BCL2: variants seen among roughly 807,000 people sequenced by gnomAD.
BCL2 encodes the protein apoptosis regulator Bcl-2.
BCL2 carries 1 observed loss-of-function variant against 14.2 expected under a neutral mutation model. The observed-to-expected ratio is 0.07, with a 90% CI of 0.02 to 0.33. The LOEUF (loss-of-function observed/expected upper bound fraction) is 0.33. Ranked by LOEUF, BCL2 falls within the 10% of genes least tolerant of loss-of-function variation. The probability of loss-of-function intolerance (pLI) is 0.99; values close to 1 mark genes in which losing one functional copy is unlikely to be tolerated. For synonymous variants in BCL2, 151 were observed against 137.2 expected (o/e 1.10, Z -0.70); for missense variants, 247 against 305.9 (o/e 0.81, Z 1.44).
At chr18:63,214,633 A>G (rs549685156) in intron 2 of BCL2, among the ~76,000 whole-genome samples, 1 of 147,572 alleles carries the variant, frequency 6.8e-6, no homozygotes, top group Non-Finnish European at 1.5e-5. Flanking sequence ...TCGGGTAATA[A>G]AAAAAAAAAT....
At chr18:63,181,739 A>G (rs1365195381) in intron 2 of BCL2, among the ~76,000 whole-genome samples, 1 of 152,162 alleles carries the variant, frequency 6.6e-6, no homozygotes. Context: ...GTACGATTTG[A>G]CGTCTCTGTT....
chr18:63,212,235 A>G (rs1434420082), intron 2 of BCL2, among the ~76,000 whole-genome samples: 1 of 150,998 alleles, frequency 6.6e-6, no homozygotes, highest in Non-Finnish European at 1.5e-5. Context: ...CTGAGGCGAG[A>G]CAGAATTGCT....
At chr18:63,291,069 G>C (rs1912630669) in intron 2 of BCL2, among the ~76,000 whole-genome samples, 1 of 152,154 alleles carries the variant, frequency 6.6e-6, no homozygotes, top group African/African-American at 2.4e-5. Context: ...ACCCACAGCT[G>C]TTTTCCACGA....
intron 2 of BCL2, among the ~76,000 whole-genome samples, chr18:63,271,081 C>T (rs1439054813): frequency 6.6e-6 from 1 of 152,178 alleles, no homozygotes; most frequent in African/African-American, 2.4e-5. Flanking sequence ...CTCGGCCTTC[C>T]GAAGTGCTGA....
chr18:63,194,156 T>C (rs191745070), intron 2 of BCL2, among the ~76,000 whole-genome samples: 5 of 152,314 alleles, frequency 3.3e-5, no homozygotes, highest in Admixed American at 3.3e-4. Flanking sequence ...TTTTGTCTAT[T>C]TGTTTGATGC....
chr18:63,206,732 T>G (rs933849196), intron 2 of BCL2, among the ~76,000 whole-genome samples: 1 of 151,930 alleles, frequency 6.6e-6, no homozygotes, highest in African/African-American at 2.4e-5. Flanking sequence ...AGAGTGACAC[T>G]GATCGGACAG....
chr18:63,157,158 TA>T (rs924155899), intron 2 of BCL2, among the ~76,000 whole-genome samples: 1 of 152,200 alleles, frequency 6.6e-6, no homozygotes. Flanking sequence ...GCCTCTTGTG[TA>T]AAAAACCAGA....
Position 63,318,974 on chromosome 18 carries a change from A to G in BCL2, c.-286-22T>C. ...GATGCTGAAAGGTTAAAGAAAAAACAAACTAATAAGTAAAAAATCAGGTGC... is the reference window on the plus strand; with the variant it reads ...GATGCTGAAAGGTTAAAGAAAAAACGAACTAATAAGTAAAAAATCAGGTGC... On this transcript the variant is annotated intron_variant, in intron 1 of 2. Coordinates refer to ENST00000333681, the MANE Select transcript of BCL2 (RefSeq NM_000633.3). The surrounding 1 kb of genome is among the most constrained non-coding windows in gnomAD (Gnocchi z 7.4). 1 of 1,271,222 alleles carries G rather than the reference A, an allele frequency of 7.9e-7. No homozygotes were observed. 78.7% of individuals were successfully genotyped at this position (1,271,222 alleles called of 1,614,324 possible).
At chr18:63,231,945 C>T (rs946184611) in intron 2 of BCL2, among the ~76,000 whole-genome samples, 3 of 151,836 alleles carry the variant, frequency 2.0e-5, no homozygotes, top group African/African-American at 7.3e-5. Flanking sequence ...TTAATTATGC[C>T]ATAAAATTAA....
chr18:63,123,846 T>C lies in BCL2; in HGVS notation c.*4779A>G. 1 of 218,182 alleles carries C rather than the reference T, an allele frequency of 4.6e-6. No individual in the cohort carries two copies. Among genetic ancestry groups the C allele is most frequent in the Non-Finnish European group, 9.2e-6 (1 of 108,528 alleles). 13.5% of individuals were successfully genotyped at this position (218,182 alleles called of 1,614,324 possible). On this transcript the variant is annotated 3_prime_UTR_variant, in exon 3 of 3. Coordinates refer to ENST00000333681, the MANE Select transcript of BCL2 (RefSeq NM_000633.3). ...AGCTATCTGGAGGGCCCACGGCAGA[T>C]TTTCCAAAAGGTTTAGGTGCATGGA... is the stretch of plus-strand genomic sequence containing the variant.
At chr18:63,215,705 C>T (rs1006031014) in intron 2 of BCL2, among the ~76,000 whole-genome samples, 4 of 152,096 alleles carry the variant, frequency 2.6e-5, no homozygotes, top group Admixed American at 6.5e-5. Flanking sequence ...TGATAAGAAC[C>T]GCATGGGTGC....
At chr18:63,234,704 C>T (rs1484732253) in intron 2 of BCL2, among the ~76,000 whole-genome samples, 3 of 152,140 alleles carry the variant, frequency 2.0e-5, no homozygotes, top group African/African-American at 4.8e-5. Context: ...CTCTGGAATT[C>T]GATCTGGACT....
At chr18:63,248,550 C>A (rs920492178) in intron 2 of BCL2, among the ~76,000 whole-genome samples, 2 of 152,190 alleles carry the variant, frequency 1.3e-5, no homozygotes, top group African/African-American at 4.8e-5. Context: ...TTAGCTCCTA[C>A]GTTCATTTTA....
At chr18:63,237,943 A>ATTT (rs113841323) in intron 2 of BCL2, among the ~76,000 whole-genome samples, 175 of 148,942 alleles carry the variant, frequency 1.2e-3, no homozygotes, top group Non-Finnish European at 1.3e-3. Flanking sequence ...CCAGGGTTGG[A>ATTT]TTTTTTTTTT....
intron 2 of BCL2, among the ~76,000 whole-genome samples, chr18:63,285,714 C>T (rs1468450576): frequency 2.0e-5 from 3 of 152,012 alleles, no homozygotes; most frequent in Middle Eastern, 3.4e-3. Flanking sequence ...GAGTGTGTAG[C>T]GGGAGAGGGT....
intron 2 of BCL2, among the ~76,000 whole-genome samples, chr18:63,134,069 G>T (rs1914144746): frequency 6.6e-6 from 1 of 152,080 alleles, no homozygotes; most frequent in South Asian, 2.1e-4. Context: ...ACATATACAT[G>T]TGCGCGTTTA....
chr18:63,156,631 G>A (rs1369110287), intron 2 of BCL2, among the ~76,000 whole-genome samples: 3 of 152,190 alleles, frequency 2.0e-5, no homozygotes, highest in South Asian at 2.1e-4. Flanking sequence ...CACCTCCCCC[G>A]TCCACCTGAT....
At chr18:63,260,217 A>T (rs767823181) in intron 2 of BCL2, among the ~76,000 whole-genome samples, 1 of 152,210 alleles carries the variant, frequency 6.6e-6, no homozygotes, top group African/African-American at 2.4e-5. Flanking sequence ...CATAAGCATG[A>T]AACACCTAAT....
intron 2 of BCL2, among the ~76,000 whole-genome samples, chr18:63,291,000 T>C (rs1368350430): frequency 6.6e-6 from 1 of 151,646 alleles, no homozygotes. Flanking sequence ...GAGTGATAGG[T>C]CTCAAGAACA....
Sources: allele counts gnomAD v4.1 joint callset (sites outside exome capture counted in the v4.1 genomes callset), GRCh38; gene constraint gnomAD v4.1.1; non-coding constraint Gnocchi (gnomAD v3.1); transcripts MANE v1.5; gene names NCBI Gene and HGNC (gene_info 2026-07-23, HGNC 2026-07-21).